MAPK8IP3: variants seen among roughly 807,000 people sequenced by gnomAD.
The protein encoded by MAPK8IP3 is mitogen-activated protein kinase 8 interacting protein 3, also known as C-Jun-amino-terminal kinase-interacting protein 3.
MAPK8IP3 carries 49 observed loss-of-function variants against 157.8 expected under a neutral mutation model. The observed-to-expected ratio is 0.31, with a 90% CI of 0.25 to 0.39. MAPK8IP3 has a LOEUF of 0.39. Ranked by LOEUF, MAPK8IP3 falls within the 10% of genes least tolerant of loss-of-function variation. The pLI is 1.00. For missense variants in MAPK8IP3, 1,478 were observed against 1,889.4 expected, an observed-to-expected ratio of 0.78 and a Z score of 4.04; for synonymous variants, 897 against 777.7, an observed-to-expected ratio of 1.15 and a Z score of -2.55.
intron 2 of MAPK8IP3, among the ~76,000 whole-genome samples, chr16:1,727,696 C>G (rs1158225279): frequency 6.6e-6 from 1 of 152,206 alleles, no homozygotes; most frequent in East Asian, 1.9e-4. Context: ...GAAGACCAGA[C>G]TGACTGCTGG....
intron 1 of MAPK8IP3, among the ~76,000 whole-genome samples, chr16:1,708,678 T>C (rs1466399419): frequency 6.6e-6 from 1 of 152,070 alleles, no homozygotes; most frequent in African/African-American, 2.4e-5. Context: ...TCACCTTTAG[T>C]CTGAGACCCA....
chr16:1,755,924 GGAAATAATAAA>G (rs914810328), intron 8 of MAPK8IP3, among the ~76,000 whole-genome samples: 1 of 151,472 alleles, frequency 6.6e-6, no homozygotes, highest in Non-Finnish European at 1.5e-5. Context: ...GCTCAATTTC[GGAAATAATAAA>G]GAAATAAAGA....
At chr16:1,759,228 T>C (rs571695774) in intron 10 of MAPK8IP3, among the ~76,000 whole-genome samples, 1 of 152,124 alleles carries the variant, frequency 6.6e-6, no homozygotes, top group Admixed American at 6.5e-5. Flanking sequence ...CCAGCCTCTC[T>C]GAACCCCACA....
chr16:1,716,114 A>G lies in MAPK8IP3; in HGVS notation c.319-8443A>G, dbSNP rs117598070. ...CAAAAGCCTGTTGATCGCCCTGTGA[A>G]AGAACTTTCCTGGCCATTGCTCTGA... On this transcript the variant is annotated intron_variant, in intron 1 of 31. Transcript: ENST00000610761. 5.3e-3 allele frequency among the ~76,000 whole-genome samples: 804 copies of G among 152,236 alleles called. 4 individuals carry two copies. Among genetic ancestry groups the G allele is most frequent in the Non-Finnish European group, 8.4e-3 (574 of 68,010 alleles).
At chr16:1,746,196 T>C (rs2040950718) in intron 5 of MAPK8IP3, 1 of 152,218 alleles carries the variant, frequency 6.6e-6, no homozygotes, top group Non-Finnish European at 1.5e-5. Context: ...CCATAGCGGG[T>C]GATCAGGTCA....
intron 1 of MAPK8IP3, among the ~76,000 whole-genome samples, chr16:1,714,483 G>A (rs937563903): frequency 2.0e-5 from 3 of 147,952 alleles, no homozygotes; most frequent in African/African-American, 8.0e-5. Context: ...CCTCCGTGTG[G>A]TGCGTTTCTC....
intron 4 of MAPK8IP3, among the ~76,000 whole-genome samples, chr16:1,738,103 CAT>C (rs1300974607): frequency 2.8e-5 from 2 of 71,874 alleles, no homozygotes. Context: ...TGTGAGCATC[CAT>C]GTGACCGTCC....
At chr16:1,759,065 G>A (rs945437105) in intron 10 of MAPK8IP3, 70 bp downstream of exon 10, 176 of 1,593,922 alleles carry the variant, frequency 1.1e-4, no homozygotes, top group Middle Eastern at 1.7e-4. Context: ...TTCATGAGCC[G>A]TTTGCTTTGT....
At chr16:1,752,090 AT>A (rs2041322718) in intron 8 of MAPK8IP3, 1 of 152,534 alleles carries the variant, frequency 6.6e-6, no homozygotes, top group African/African-American at 2.4e-5. Flanking sequence ...GCATCCGCCC[AT>A]CCTGTTGGCT....
At chr16:1,723,276 C>T (rs1179914246) in intron 1 of MAPK8IP3, among the ~76,000 whole-genome samples, 1 of 151,952 alleles carries the variant, frequency 6.6e-6, no homozygotes, top group Admixed American at 6.6e-5. Context: ...CTCACATGAT[C>T]CATCTGCCTC....
At chr16:1,754,541 G>A (rs2041480818) in intron 8 of MAPK8IP3, among the ~76,000 whole-genome samples, 1 of 152,118 alleles carries the variant, frequency 6.6e-6, no homozygotes, top group African/African-American at 2.4e-5. Context: ...TGGGAGGCCA[G>A]GGTGGGCGGA....
chr16:1,757,518 C>T (rs1010977700), intron 8 of MAPK8IP3, among the ~76,000 whole-genome samples: 3 of 152,210 alleles, frequency 2.0e-5, no homozygotes, highest in Non-Finnish European at 4.4e-5. Context: ...TTTCCCTCGC[C>T]AGCCTCCTGT....
Position 1,760,504 on chromosome 16 carries a change from A to G in MAPK8IP3, c.1429A>G (p.Ile477Val), listed in dbSNP as rs776313669. 1.2e-6 allele frequency: 2 copies of G among 1,613,512 alleles called. No individual in the cohort carries two copies. Among genetic ancestry groups the G allele is most frequent in the African/African-American group, 2.7e-5 (2 of 74,938 alleles). Residue 477 changes from isoleucine to valine, a missense_variant, in exon 12 of 32, where the codon ATC becomes GTC. Coordinates refer to ENST00000610761, the MANE Select transcript of MAPK8IP3 (RefSeq NM_001318852.2). ...GGCCAAAGTCAAGCTGGAAAACCGT[A>G]TCAAGGAGCTGGAAGAGGAACTGAA... ...KQAKVKLENR[I>V]KELEEELKRV...
intron 8 of MAPK8IP3, among the ~76,000 whole-genome samples, chr16:1,757,191 T>C (rs938372832): frequency 3.3e-5 from 5 of 152,076 alleles, no homozygotes; most frequent in African/African-American, 7.2e-5. Context: ...CTGCAAGCTC[T>C]GCCTCCCGGG....
intron 4 of MAPK8IP3, among the ~76,000 whole-genome samples, chr16:1,737,617 T>TGA (rs201372609): frequency 3.9e-5 from 3 of 76,882 alleles, no homozygotes; most frequent in African/African-American, 5.4e-5. Context: ...ACCGTCCGTG[T>TGA]GTGTGACCAT....
At chr16:1,723,557 C>T (rs569291301) in intron 1 of MAPK8IP3, among the ~76,000 whole-genome samples, 1 of 152,266 alleles carries the variant, frequency 6.6e-6, no homozygotes, top group Non-Finnish European at 1.5e-5. Flanking sequence ...GTGCTCAAGG[C>T]TGCAGTGAGT....
rs2037401204 is a variant in MAPK8IP3 at position 1,706,648 on chromosome 16, G to A, written c.309G>A (p.Gln103=). The change falls in exon 1 of 32, where the codon CAG becomes CAA. Residue 103 remains glutamine (Q), a synonymous_variant. Coordinates refer to ENST00000610761, the MANE Select transcript of MAPK8IP3 (RefSeq NM_001318852.2). The surrounding 1 kb of genome is among the most constrained non-coding windows in gnomAD (Gnocchi z 5.1). ...QYEREKALRR[Q]AEEKFIEFED... is the part of the protein sequence containing the mutation. ...AGCGTGAGAAGGCGCTGCGCAGGCA[G>A]GCGGAGGAGGTGCGTGGGCCGCGGG... 1 of 1,549,486 alleles carries A rather than the reference G, an allele frequency of 6.5e-7. No homozygotes were observed. Among genetic ancestry groups the A allele is most frequent in the South Asian group, 1.2e-5 (1 of 84,920 alleles).
rs1482275762 is a variant in MAPK8IP3, at chr16:1,764,381, A to G, written c.2202A>G (p.Pro734=). 6.3e-7 allele frequency: 1 copy of G among 1,593,476 alleles called. No homozygotes were observed. ...CTGGGAATGGAGTCAAGCCAGCGCC[A>G]GGCCGCGATCCCCTGACCTGCGACC... is the stretch of plus-strand genomic sequence containing the variant. The part of the protein sequence containing the change: ...DDAGNGVKPA[P]GRDPLTCDRE... Residue 734 remains proline (P), a synonymous_variant, in exon 19 of 32, where the codon CCA becomes CCG. Transcript: ENST00000610761.
chr16:1,738,387 TCC>T (rs1596653341), intron 4 of MAPK8IP3, among the ~76,000 whole-genome samples: 5 of 108,314 alleles, frequency 4.6e-5, no homozygotes, highest in East Asian at 3.3e-4. Context: ...CATGTGAGCA[TCC>T]GTGTGACCGT....
Sources: gnomAD v4.1 joint callset for allele counts (sites outside exome capture counted in the v4.1 genomes callset) on GRCh38, gnomAD v4.1.1 for gene constraint, Gnocchi (gnomAD v3.1) non-coding constraint, MANE v1.5 for transcripts, NCBI Gene and HGNC (gene_info 2026-07-23, HGNC 2026-07-21) for gene names.